Variants in ABRAXAS1 observed in about 807,000 individuals in gnomAD.
ABRAXAS1 encodes BRCA1-A complex subunit Abraxas 1.
A neutral mutation model predicts 38.4 loss-of-function variants in ABRAXAS1; 26 were observed. That is an observed-to-expected ratio of 0.68 (90% CI 0.50 to 0.94). The LOEUF (loss-of-function observed/expected upper bound fraction) is 0.94. ABRAXAS1 is among the 40% of genes least tolerant of loss of function. The pLI is 0.00. For synonymous variants in ABRAXAS1, 144 were observed against 165.5 expected (o/e 0.87, Z 1.00); for missense variants, 438 against 481.9 (o/e 0.91, Z 0.85).
chr4:83,465,054 G>C (rs1287879885), intron 7 of ABRAXAS1, among the ~76,000 whole-genome samples: 1 of 152,118 alleles, frequency 6.6e-6, no homozygotes, highest in African/African-American at 2.4e-5. Context: ...CCAGCACTTT[G>C]GGAGGCTGAG....
chr4:83,482,402 A>T (rs1410074778), intron 1 of ABRAXAS1, among the ~76,000 whole-genome samples, 158 bp from the exon 2 acceptor site: 5 of 152,246 alleles, frequency 3.3e-5, no homozygotes, highest in Non-Finnish European at 7.3e-5. Flanking sequence ...CTTGGGAAAG[A>T]TGAAGAGTTA....
At chr4:83,472,155 G>A in intron 4 of ABRAXAS1, 67 bp downstream of exon 4, 1 of 948,550 alleles carries the variant, frequency 1.1e-6, no homozygotes, top group Non-Finnish European at 1.6e-6. Context: ...TCAAAGTACT[G>A]TGTGTTTTTA....
intron 7 of ABRAXAS1, 67 bp downstream of exon 7, chr4:83,467,387 A>T: frequency 1.1e-6 from 1 of 898,994 alleles, no homozygotes; most frequent in Non-Finnish European, 1.8e-6. Flanking sequence ...ATCCTAAAAA[A>T]TGTCAGTCAT....
At chr4:83,470,695 CTT>C (rs1419832034) in intron 4 of ABRAXAS1, among the ~76,000 whole-genome samples, 1 of 152,146 alleles carries the variant, frequency 6.6e-6, no homozygotes, top group African/African-American at 2.4e-5. Flanking sequence ...CAATCTCACT[CTT>C]TAGTCAAAAT....
rs143425857 is a variant in ABRAXAS1, at chr4:83,480,618, T to G, written c.178+1536A>C. ...ATAATCTTTCCGGAAAGCAATCTGC[T>G]AATGCAGATCAAAAACCTTACAAGT... On this transcript the variant is annotated intron_variant, in intron 2 of 8. Coordinates refer to ENST00000321945, the MANE Select transcript of ABRAXAS1 (RefSeq NM_139076.3). Among the ~76,000 whole-genome samples the G allele has an allele frequency of 1.4e-4, 22 of 152,274 alleles. No individual in the cohort carries two copies. In the East Asian group the frequency reaches 4.2e-3, roughly 29 times the overall value.
intron 4 of ABRAXAS1, among the ~76,000 whole-genome samples, chr4:83,471,191 C>CTTTTTTTTT (rs869128932): frequency 2.7e-4 from 16 of 58,200 alleles, no homozygotes; most frequent in South Asian, 7.4e-4. Context: ...AAAGAAACAT[C>CTTTTTTTTT]TTTTTTTTTT....
At position 83,467,608 on chromosome 4, in the gene ABRAXAS1, CAT is replaced by C. The variant is rs1158974213; in HGVS notation, c.597-72_597-71del. On this transcript the variant is annotated intron_variant, in intron 6 of 8. Transcript: ENST00000321945. The stretch of plus-strand genomic sequence containing the variant: ...TTAATGATAAGGTGAAAAACTTATT[CAT>C]TGTCAAGGACCAATAGAAGAGTCTT... 60 of 768,748 alleles carry C rather than the reference CAT, an allele frequency of 7.8e-5. No individual in the cohort carries two copies. The African/African-American group carries it at 1.9e-3, about 25-fold the overall frequency. 47.6% of individuals were successfully genotyped at this position (768,748 alleles called of 1,614,324 possible). A position where few individuals can be genotyped will look rare whatever the true frequency, so the allele number is the denominator to read the frequency against.
At chr4:83,479,041 T>C (rs937300743) in intron 2 of ABRAXAS1, 1 of 152,154 alleles carries the variant, frequency 6.6e-6, no homozygotes, top group Non-Finnish European at 1.5e-5. Flanking sequence ...GAAATGCAAA[T>C]TAAAATGCTA....
chr4:83,462,864 A>G lies in ABRAXAS1; in HGVS notation c.835T>C (p.Phe279Leu), dbSNP rs748047951. 15 of 1,601,732 alleles carry G rather than the reference A, an allele frequency of 9.4e-6. No homozygotes were observed. Among genetic ancestry groups the G allele is most frequent in the Non-Finnish European group, 1.3e-5 (15 of 1,175,088 alleles). Reference sequence around the variant, plus strand: ...AAGGTCCGTAATGCCTGACAAAGAAAAATGTTCTCCTGAGGGTCTTTTTGG... The same window carrying G: ...AAGGTCCGTAATGCCTGACAAAGAAGAATGTTCTCCTGAGGGTCTTTTTGG... ...NIQKDPQENI[F>L]LCQALRTFFP... is the part of the protein sequence containing the mutation. The change falls in exon 9 of 9, where the codon TTT (phenylalanine) becomes CTT (leucine). Residue 279 changes from phenylalanine (F) to leucine (L), a missense_variant. Physicochemically the swap from Phe to Leu is conservative, Grantham distance 22. Coordinates refer to ENST00000321945, the MANE Select transcript of ABRAXAS1 (RefSeq NM_139076.3).
chr4:83,476,657 G>A lies in ABRAXAS1; in HGVS notation c.201C>T (p.Cys67=), dbSNP rs1722781016. 3 of 1,567,782 alleles carry A rather than the reference G, an allele frequency of 1.9e-6. No homozygotes were observed. The highest frequency in any genetic ancestry group is 2.2e-5 in the South Asian group (2 of 89,760). The change falls in exon 3 of 9, where the codon TGC becomes TGT. Residue 67 remains cysteine, a synonymous_variant. Coordinates refer to ENST00000321945, the MANE Select transcript of ABRAXAS1 (RefSeq NM_139076.3). ...CTACTACTTACCTAAAAAGCTGATA[G>A]CATGGAATATATTTCTGAATGTCTG... ...YTIDIQKYIP[C]YQLFSFYNSS... is the part of the protein sequence containing the mutation.
intron 4 of ABRAXAS1, among the ~76,000 whole-genome samples, 174 bp from the exon 5 acceptor site, chr4:83,470,570 C>T (rs1488955741): frequency 1.3e-5 from 2 of 152,132 alleles, no homozygotes; most frequent in African/African-American, 2.4e-5. Context: ...GTAAAACATA[C>T]AAACTGACTT....
rs1722612684 is a variant in ABRAXAS1, at chr4:83,472,269, C to T, written c.235G>A (p.Glu79Lys). 2.0e-6 allele frequency: 3 copies of T among 1,520,594 alleles called. No individual in the cohort carries two copies. Among genetic ancestry groups the T allele is most frequent in the East Asian group, 2.5e-5 (1 of 40,014 alleles). The allele number at this position is 1,520,594 out of a possible 1,614,324, so 94.2% of individuals were successfully genotyped here. A position where few individuals can be genotyped will look rare whatever the true frequency, so the allele number is the denominator to read the frequency against. ...TTCTTCAGTGCTTGCTCATTTACTT[C>T]GCCTGAAGAATTATAAAAGCTGTAA... ...QLFSFYNSSG[E>K]VNEQALKKIL... The change falls in exon 4 of 9, where the codon GAA (glutamate) becomes AAA (lysine). Residue 79 changes from glutamate to lysine, a missense_variant. Physicochemically the swap from Glu to Lys is moderately conservative, Grantham distance 56. Transcript: ENST00000321945.
In ABRAXAS1 at chr4:83,477,798, A is replaced by G. The variant is rs998007663; in HGVS notation, c.179-1119T>C. On this transcript the variant is annotated intron_variant, in intron 2 of 8. Transcript: ENST00000321945. ...CCTGTTTTGCAAAGACAAGCATCAT[A>G]TGGCACCATTAAAATTGGGATTTAC... 79 of 770,034 alleles carry G rather than the reference A, an allele frequency of 1.0e-4. No homozygotes were observed. In the Admixed American group the frequency reaches 1.2e-3, roughly 12 times the overall value. 47.7% of individuals were successfully genotyped at this position (770,034 alleles called of 1,614,324 possible).
rs1230361576 is a variant in ABRAXAS1 at position 83,462,887 on chromosome 4, TG to T, written c.811del (p.Gln271LysfsTer31). 1 of 1,578,144 alleles carries T rather than the reference TG, an allele frequency of 6.3e-7. No homozygotes were observed. The highest frequency in any genetic ancestry group is 8.6e-7 in the Non-Finnish European group (1 of 1,165,480). ...QIQAAREKNI[Q>X]KDPQENIFLC... ...AAAAATGTTCTCCTGAGGGTCTTTT[TG>T]GATGTTCTTCTCTCCTAAACAAAAT... On this transcript the variant is annotated frameshift_variant, in exon 9 of 9. Transcript: ENST00000321945. LOFTEE classifies it low-confidence loss of function (END_TRUNC).
chr4:83,460,975 C>G lies in ABRAXAS1; in HGVS notation c.*1494G>C, dbSNP rs765788201. The G allele has an allele frequency of 1.3e-4, 203 of 1,603,364 alleles. No individual in the cohort carries two copies. Among genetic ancestry groups the G allele is most frequent in the Non-Finnish European group, 1.7e-4 (199 of 1,177,122 alleles). ...TAAGAAAGCTTTTTATTTTACAGGT[C>G]TTTGTGGGAAGAAACAGAAAGAAAT... On this transcript the variant is annotated 3_prime_UTR_variant, in exon 9 of 9. Transcript: ENST00000321945.
Position 83,470,471 on chromosome 4 carries a change from TAAAC to T in ABRAXAS1, c.283-79_283-76del, listed in dbSNP as rs528119988. 6.3e-3 allele frequency: 6,657 copies of T among 1,055,210 alleles called. 30 individuals are homozygous for T. The highest frequency in any genetic ancestry group is 7.4e-3 in the Non-Finnish European group (5,563 of 753,704). 65.4% of individuals were successfully genotyped at this position (1,055,210 alleles called of 1,614,324 possible). ...GTCTTACTATTATAATTAAATAAAATAAACAACCTTAAAATGGCTTTCTTAATAT... is the reference window on the plus strand; with the variant it reads ...GTCTTACTATTATAATTAAATAAAATAACCTTAAAATGGCTTTCTTAATAT... On this transcript the variant is annotated intron_variant, in intron 4 of 8. Coordinates refer to ENST00000321945, the MANE Select transcript of ABRAXAS1 (RefSeq NM_139076.3).
In ABRAXAS1 at chr4:83,462,765, T is replaced by A; in HGVS notation, c.934A>T (p.Asn312Tyr). 1 of 1,614,024 alleles carries A rather than the reference T, an allele frequency of 6.2e-7. No homozygotes were observed. Among genetic ancestry groups the A allele is most frequent in the Non-Finnish European group, 8.5e-7 (1 of 1,179,980 alleles). ...KNRHVSKSSC[N>Y]YNHHLDVVDN... is the part of the protein sequence containing the mutation. ...ACTACATCGAGATGGTGGTTGTAGTTACAGCTACTTTTAGAAACATGTCTA... is the reference window on the plus strand; with the variant it reads ...ACTACATCGAGATGGTGGTTGTAGTAACAGCTACTTTTAGAAACATGTCTA... Residue 312 changes from asparagine (N) to tyrosine (Y), a missense_variant, in exon 9 of 9, where the codon AAC becomes TAC. This residue lies in a region of ABRAXAS1 where 184 missense variants were observed against 181.9 expected (regional missense o/e 1.01). Transcript: ENST00000321945.
At chr4:83,475,891 CA>C (rs951190525) in intron 3 of ABRAXAS1, among the ~76,000 whole-genome samples, 1 of 152,086 alleles carries the variant, frequency 6.6e-6, no homozygotes, top group African/African-American at 2.4e-5. Context: ...CCTAGAAAAG[CA>C]ATAAGAAACA....
At chr4:83,464,307 A>G (rs2110034725) in intron 7 of ABRAXAS1, among the ~76,000 whole-genome samples, 1 of 152,380 alleles carries the variant, frequency 6.6e-6, no homozygotes, top group South Asian at 2.1e-4. Context: ...CTATTACGAA[A>G]GGATACTATT....
Sources: allele counts gnomAD v4.1 joint callset (sites outside exome capture counted in the v4.1 genomes callset), GRCh38; gene constraint gnomAD v4.1.1; regional missense constraint gnomAD v4.1.1; transcripts MANE v1.5; gene names NCBI Gene and HGNC (gene_info 2026-07-23, HGNC 2026-07-21).